Variants in IL4R observed in about 807,000 individuals in gnomAD.
IL4R encodes interleukin-4 receptor subunit alpha.
In IL4R, 17 loss-of-function variants were observed where a neutral mutation model predicts 41.5. That is an observed-to-expected ratio of 0.41 (90% CI 0.28 to 0.61). The LOEUF (loss-of-function observed/expected upper bound fraction) is 0.61. Ranked by LOEUF, IL4R falls within the 20% of genes least tolerant of loss-of-function variation. The pLI is 0.31. For synonymous variants in IL4R, 402 were observed against 422.9 expected (o/e 0.95, Z 0.61); for missense variants, 974 against 1,043.1 (o/e 0.93, Z 0.91).
chr16:27,326,977 C>T (rs1286280052), intron 1 of IL4R, among the ~76,000 whole-genome samples: 3 of 152,168 alleles, frequency 2.0e-5, no homozygotes, highest in Non-Finnish European at 2.9e-5. Flanking sequence ...GGAAGAAGTG[C>T]ATGCCTAGCT....
chr16:27,355,354 G>C, intron 7 of IL4R: 1 of 300,686 alleles, frequency 3.3e-6, no homozygotes, highest in South Asian at 2.8e-5. Flanking sequence ...ATGTGGACAG[G>C]CCACTCTGTT....
At chr16:27,361,363 C>T (rs2086277785) in intron 10 of IL4R, among the ~76,000 whole-genome samples, 2 of 151,852 alleles carry the variant, frequency 1.3e-5, no homozygotes, top group Admixed American at 1.3e-4. Context: ...ATGAGAATCA[C>T]TTGAACCCGG....
intron 6 of IL4R, among the ~76,000 whole-genome samples, chr16:27,351,987 C>T (rs1199001159): frequency 5.9e-5 from 9 of 152,192 alleles, no homozygotes; most frequent in Admixed American, 5.9e-4. Flanking sequence ...TTGGACTTGA[C>T]CATGGAGACA....
chr16:27,358,707 T>TG (rs1035305127), intron 8 of IL4R, among the ~76,000 whole-genome samples: 3 of 152,166 alleles, frequency 2.0e-5, no homozygotes, highest in Non-Finnish European at 2.9e-5. Context: ...TCCACCTCCT[T>TG]GGGCCTCACT....
Position 27,345,170 on chromosome 16 carries a change from C to A in IL4R, c.361+150C>A. The stretch of plus-strand genomic sequence containing the variant: ...CCCAAATCTGATGGGATTCCTGCCC[C>A]TGCCTGGGCCTCAGTCCTCCCACCT... On this transcript the variant is annotated intron_variant, in intron 5 of 10. Coordinates refer to ENST00000395762, the MANE Select transcript of IL4R (RefSeq NM_000418.4). The surrounding 1 kb of genome is among the most constrained non-coding windows in gnomAD (Gnocchi z 4.5). 1 of 863,134 alleles carries A rather than the reference C, an allele frequency of 1.2e-6. No homozygotes were observed. Among genetic ancestry groups the A allele is most frequent in the Non-Finnish European group, 1.9e-6 (1 of 532,896 alleles). The allele number at this position is 863,134 out of a possible 1,614,324, so 53.5% of individuals were successfully genotyped here. A position where few individuals can be genotyped will look rare whatever the true frequency, so the allele number is the denominator to read the frequency against.
Position 27,363,095 on chromosome 16 carries a change from G to C in IL4R, c.1743G>C (p.Ala581=). The C allele has an allele frequency of 6.2e-7, 1 of 1,614,086 alleles. No individual in the cohort carries two copies. ...PTSGYQEFVH[A]VEQGGTQASA... ...GTGGCTATCAGGAGTTTGTACATGC[G>C]GTGGAGCAGGGTGGCACCCAGGCCA... The change falls in exon 11 of 11, where the codon GCG becomes GCC. Residue 581 remains alanine, a synonymous_variant. Coordinates refer to ENST00000395762, the MANE Select transcript of IL4R (RefSeq NM_000418.4).
At chr16:27,333,974 C>T (rs1318198182) in intron 2 of IL4R, among the ~76,000 whole-genome samples, 1 of 152,044 alleles carries the variant, frequency 6.6e-6, no homozygotes, top group Non-Finnish European at 1.5e-5. Context: ...GCTCCGCCTC[C>T]CGGGTTCAAG....
intron 1 of IL4R, among the ~76,000 whole-genome samples, chr16:27,320,882 ACAG>A (rs2084794669): frequency 1.3e-5 from 2 of 151,794 alleles, no homozygotes; most frequent in Non-Finnish European, 2.9e-5. Flanking sequence ...CCACATTTCC[ACAG>A]GTGGGCAGCT....
intron 1 of IL4R, among the ~76,000 whole-genome samples, chr16:27,323,522 G>A (rs1210385944): frequency 6.6e-6 from 1 of 152,220 alleles, no homozygotes; most frequent in Non-Finnish European, 1.5e-5. Flanking sequence ...CTCACTAGCT[G>A]TGCATCCTTA....
intron 9 of IL4R, among the ~76,000 whole-genome samples, chr16:27,360,367 C>T (rs950501629): frequency 1.3e-5 from 2 of 152,350 alleles, no homozygotes; most frequent in South Asian, 2.1e-4. Context: ...ATGTGCCTCT[C>T]ACTCTCCAGC....
rs142005955 is a variant in IL4R at position 27,359,225 on chromosome 16, T to G, written c.849+231T>G. 7.1e-3 allele frequency among the ~76,000 whole-genome samples: 1,084 copies of G among 152,306 alleles called. 18 individuals carry two copies. The highest frequency in any genetic ancestry group is 0.025 in the African/African-American group (1,026 of 41,572). On this transcript the variant is annotated intron_variant, in intron 9 of 10. Coordinates refer to ENST00000395762, the MANE Select transcript of IL4R (RefSeq NM_000418.4). Reference sequence around the variant, plus strand: ...TGGGGTGGGCTTCTCTGGGGTTGGTTTCCTGTTTTTTTCCCTCCCCTTGGG... The same window carrying G: ...TGGGGTGGGCTTCTCTGGGGTTGGTGTCCTGTTTTTTTCCCTCCCCTTGGG...
At chr16:27,354,748 C>G (rs1393737205) in intron 7 of IL4R, among the ~76,000 whole-genome samples, 1 of 152,216 alleles carries the variant, frequency 6.6e-6, no homozygotes, top group Non-Finnish European at 1.5e-5. Flanking sequence ...GTGGTAGGTG[C>G]AGTGGCAGCT....
chr16:27,352,075 A>G (rs1483433774), intron 6 of IL4R, among the ~76,000 whole-genome samples: 2 of 152,212 alleles, frequency 1.3e-5, no homozygotes, highest in East Asian at 3.9e-4. Context: ...TGCTTTTTGT[A>G]TACCAAACCC....
intron 1 of IL4R, among the ~76,000 whole-genome samples, chr16:27,329,655 G>A (rs2085059033): frequency 7.2e-6 from 1 of 139,114 alleles, no homozygotes; most frequent in African/African-American, 2.7e-5. Context: ...CCAGCTTGGG[G>A]AACAGAGCAA....
chr16:27,357,557 G>A (rs200863911), intron 8 of IL4R, among the ~76,000 whole-genome samples: 4 of 152,132 alleles, frequency 2.6e-5, no homozygotes, highest in Non-Finnish European at 5.9e-5. Context: ...TCTGCCTCCC[G>A]GGTTCAAGCG....
At chr16:27,340,332 G>A in intron 3 of IL4R, 59 bp downstream of exon 3, 1 of 1,321,312 alleles carries the variant, frequency 7.6e-7, no homozygotes. Flanking sequence ...CCAGGGTCCT[G>A]CAGTATGTCA....
intron 2 of IL4R, among the ~76,000 whole-genome samples, chr16:27,338,042 C>T (rs576202677): frequency 4.0e-4 from 61 of 150,922 alleles, no homozygotes; most frequent in Admixed American, 3.4e-3. Context: ...CTGCAACCTC[C>T]GCCTCCTGGG....
chr16:27,326,192 C>T (rs1004523080), intron 1 of IL4R, among the ~76,000 whole-genome samples: 1 of 152,122 alleles, frequency 6.6e-6, no homozygotes, highest in Non-Finnish European at 1.5e-5. Flanking sequence ...TTTTTAAAGT[C>T]TCATCATGTC....
intron 7 of IL4R, among the ~76,000 whole-genome samples, chr16:27,354,799 T>C (rs898583069): frequency 2.0e-5 from 3 of 152,234 alleles, no homozygotes; most frequent in Admixed American, 2.0e-4. Context: ...CCTCTCAGCA[T>C]TGCTCATCCT....
Sources: allele counts gnomAD v4.1 joint callset (sites outside exome capture counted in the v4.1 genomes callset), GRCh38; gene constraint gnomAD v4.1.1; non-coding constraint Gnocchi (gnomAD v3.1); transcripts MANE v1.5; gene names NCBI Gene and HGNC (gene_info 2026-07-23, HGNC 2026-07-21).